NOL11: variants seen among roughly 807,000 people sequenced by gnomAD.
NOL11 encodes nucleolar protein 11.
In NOL11, 42 loss-of-function variants were observed where a neutral mutation model predicts 93.0. The observed-to-expected ratio is 0.45, with a 90% CI of 0.35 to 0.58. NOL11 has a LOEUF of 0.58. Ranked by LOEUF, NOL11 falls within the 20% of genes least tolerant of loss-of-function variation. The pLI, the probability that NOL11 is intolerant of heterozygous loss-of-function variation, is 0.00. For synonymous variants in NOL11, 296 were observed against 293.7 expected (o/e 1.01, Z -0.08); for missense variants, 775 against 841.8 (o/e 0.92, Z 0.98).
At position 67,743,726 on chromosome 17, in the gene NOL11, G is replaced by A. The variant is rs764972957; in HGVS notation, c.2044-17G>A. 1 of 1,402,452 alleles carries A rather than the reference G, an allele frequency of 7.1e-7. No individual in the cohort carries two copies. The highest frequency in any genetic ancestry group is 9.7e-7 in the Non-Finnish European group (1 of 1,030,006). The allele number at this position is 1,402,452 out of a possible 1,614,324, so 86.9% of individuals were successfully genotyped here. ...TAGACATTATGGTAAAAGTTACTCT[G>A]AAACTCTTTTCTTTAGATATCTGTT... On this transcript the variant is annotated splice_polypyrimidine_tract_variant and intron_variant, in intron 17 of 17. Transcript: ENST00000253247.
chr17:67,723,570 G>A lies in NOL11; in HGVS notation c.520-479G>A, dbSNP rs1432923820. Among the ~76,000 whole-genome samples the A allele has an allele frequency of 2.6e-5, 4 of 151,028 alleles. No homozygotes were observed. The East Asian group carries it at 7.8e-4, about 29-fold the overall frequency. On this transcript the variant is annotated intron_variant, in intron 5 of 17. Transcript: ENST00000253247. The stretch of plus-strand genomic sequence containing the variant: ...CTCCTGGCTAATTTTTGTATTTTTA[G>A]TAGAGACAGGGTTTTGCCATATTGG...
intron 7 of NOL11, among the ~76,000 whole-genome samples, chr17:67,730,899 G>C (rs2055148337): frequency 6.6e-6 from 1 of 152,164 alleles, no homozygotes; most frequent in African/African-American, 2.4e-5. Context: ...TTGTACAGTG[G>C]TTCCAGTTTC....
chr17:67,724,608 A>G (rs772908426), intron 6 of NOL11, among the ~76,000 whole-genome samples: 88 of 152,300 alleles, frequency 5.8e-4, no homozygotes, highest in Non-Finnish European at 4.3e-4. Flanking sequence ...CTGGGATTAC[A>G]GGTGTGAGTC....
chr17:67,739,402 G>A, intron 15 of NOL11, 114 bp from the exon 16 acceptor site: 1 of 618,030 alleles, frequency 1.6e-6, no homozygotes, highest in Non-Finnish European at 2.8e-6. Flanking sequence ...CCAGATGTCT[G>A]GCGTATTTGT....
At chr17:67,722,040 T>A (rs919314891) in intron 4 of NOL11, among the ~76,000 whole-genome samples, 36 of 152,252 alleles carry the variant, frequency 2.4e-4, no homozygotes, top group African/African-American at 8.2e-4. Flanking sequence ...GAAACTAATT[T>A]TCTAAAAGTC....
chr17:67,735,886 A>C lies in NOL11; in HGVS notation c.931-14A>C. On this transcript the variant is annotated splice_polypyrimidine_tract_variant and intron_variant, in intron 8 of 17. Transcript: ENST00000253247. ...AAAAAAATTTGCTTATGTTTTTGAT[A>C]ACTTTTTTTGTAGCTCTGGTATTAT... 6.3e-7 allele frequency: 1 copy of C among 1,598,568 alleles called. No homozygotes were observed. The highest frequency in any genetic ancestry group is 8.5e-7 in the Non-Finnish European group (1 of 1,174,386).
At chr17:67,720,023 AATAAAGT>A in intron 3 of NOL11, 61 bp downstream of exon 3, 2 of 1,433,532 alleles carry the variant, frequency 1.4e-6, no homozygotes, top group South Asian at 2.7e-5. Flanking sequence ...AATCATTCAT[AATAAAGT>A]ATGTGTTATT....
intron 7 of NOL11, among the ~76,000 whole-genome samples, chr17:67,729,687 C>T (rs1354868241): frequency 6.6e-6 from 1 of 151,882 alleles, no homozygotes; most frequent in Non-Finnish European, 1.5e-5. Flanking sequence ...CATGCCATTC[C>T]CCTGACTCAG....
At chr17:67,726,736 A>G (rs2055098233) in intron 7 of NOL11, 88 bp downstream of exon 7, 1 of 954,694 alleles carries the variant, frequency 1.0e-6, no homozygotes, top group African/African-American at 1.7e-5. Flanking sequence ...TCATTTCGTT[A>G]TTACCCAGAC....
intron 16 of NOL11, among the ~76,000 whole-genome samples, chr17:67,742,743 A>G (rs1015051381): frequency 6.6e-6 from 1 of 152,168 alleles, no homozygotes; most frequent in Admixed American, 6.5e-5. Flanking sequence ...TGATATTTGC[A>G]TGTTAACTAC....
chr17:67,738,378 CCTCTGTTT>C (rs2055223782), intron 14 of NOL11, 23 bp downstream of exon 14: 2 of 1,488,154 alleles, frequency 1.3e-6, no homozygotes, highest in Non-Finnish European at 1.9e-6. Flanking sequence ...ATAGAGCATC[CCTCTGTTT>C]CTCTTTATAG....
chr17:67,740,391 C>T (rs1458088378), intron 16 of NOL11, among the ~76,000 whole-genome samples: 1 of 151,928 alleles, frequency 6.6e-6, no homozygotes, highest in Non-Finnish European at 1.5e-5. Context: ...GGGTGGATCA[C>T]CTGAGGTCGG....
intron 5 of NOL11, among the ~76,000 whole-genome samples, chr17:67,723,677 A>G (rs2055057709): frequency 6.6e-6 from 1 of 151,918 alleles, no homozygotes; most frequent in East Asian, 1.9e-4. Context: ...GTGAACCACC[A>G]AGCCCAGCCT....
intron 2 of NOL11, 54 bp from the exon 3 acceptor site, chr17:67,719,849 TTTA>T: frequency 6.7e-7 from 1 of 1,498,822 alleles, no homozygotes; most frequent in South Asian, 1.2e-5. Flanking sequence ...ACTATTTGTA[TTTA>T]TTATATGTAA....
intron 16 of NOL11, among the ~76,000 whole-genome samples, chr17:67,741,288 T>C (rs141221486): frequency 0.025 from 3,794 of 152,242 alleles, 152 homozygotes; most frequent in African/African-American, 0.086. Flanking sequence ...CAGGCTCATC[T>C]CAAACTCCTG....
rs551006959 is a variant in NOL11 at position 67,735,418 on chromosome 17, TTTTA to T, written c.931-478_931-475del. On this transcript the variant is annotated intron_variant, in intron 8 of 17. Transcript: ENST00000253247. ...CACACTTTTTTATTACAACTTATTATTTTATTTGTTTTATCATTTTATTATTTAT... is the reference window on the plus strand; with the variant it reads ...CACACTTTTTTATTACAACTTATTATTTTGTTTTATCATTTTATTATTTAT... Among the ~76,000 whole-genome samples the T allele has an allele frequency of 2.5e-3, 376 of 152,200 alleles. 1 individual carries two copies. The highest frequency in any genetic ancestry group is 8.8e-3 in the African/African-American group (366 of 41,572).
Position 67,743,820 on chromosome 17 carries a change from T to G in NOL11, c.2121T>G (p.Asn707Lys). The G allele has an allele frequency of 6.5e-7, 1 of 1,541,874 alleles. No homozygotes were observed. The highest frequency in any genetic ancestry group is 1.2e-5 in the South Asian group (1 of 81,414). Residue 707 changes from asparagine to lysine, a missense_variant, in exon 18 of 18, where the codon AAT becomes AAG. Physicochemically the swap from Asn to Lys is moderately conservative, Grantham distance 94. Around this residue, in one of 2 missense-constraint regions of NOL11, gnomAD observed 416 missense variants for 525.2 expected, o/e 0.79. Coordinates refer to ENST00000253247, the MANE Select transcript of NOL11 (RefSeq NM_015462.5). ...ELQKLNQEKN[N>K]RGLYSIEVLE... ...AGAAATTAAATCAAGAAAAGAATAA[T>G]AGAGGATTATATTCAATTGAAGTGC...
chr17:67,735,321 A>G (rs2143126350), intron 8 of NOL11, among the ~76,000 whole-genome samples: 1 of 151,882 alleles, frequency 6.6e-6, no homozygotes, highest in African/African-American at 2.4e-5. Flanking sequence ...GTTTCTCAGC[A>G]TACAATTTAA....
chr17:67,737,631 C>G lies in NOL11; in HGVS notation c.1342C>G (p.Pro448Ala). ...ACTTCTGGAAAGGTGTAAAGCAGAACCATCATTTTATCCCCGGAACTGTCT... is the reference window on the plus strand; with the variant it reads ...ACTTCTGGAAAGGTGTAAAGCAGAAGCATCATTTTATCCCCGGAACTGTCT... ...TGLLERCKAEPSFYPRNCLMQ... is the reference protein window; with the variant it reads ...TGLLERCKAEASFYPRNCLMQ... The change falls in exon 12 of 18, where the codon CCA becomes GCA. Residue 448 changes from proline (P) to alanine (A), a missense_variant. By Grantham distance (27) the Pro-to-Ala change is conservative. Around this residue, in one of 2 missense-constraint regions of NOL11, gnomAD observed 416 missense variants for 525.2 expected, o/e 0.79. Coordinates refer to ENST00000253247, the MANE Select transcript of NOL11 (RefSeq NM_015462.5). The G allele has an allele frequency of 4.3e-6, 7 of 1,614,160 alleles. No homozygotes were observed. Among genetic ancestry groups the G allele is most frequent in the Non-Finnish European group, 5.9e-6 (7 of 1,180,014 alleles).
Sources: allele counts gnomAD v4.1 joint callset (sites outside exome capture counted in the v4.1 genomes callset), GRCh38; gene constraint gnomAD v4.1.1; regional missense constraint gnomAD v4.1.1; transcripts MANE v1.5; gene names NCBI Gene and HGNC (gene_info 2026-07-23, HGNC 2026-07-21).